The following ADAMTSL1 variants were observed in gnomAD, a reference collection of about 807,000 sequenced individuals.
The protein encoded by ADAMTSL1 is ADAMTS-like protein 1.
A neutral mutation model predicts 201.8 loss-of-function variants in ADAMTSL1; 126 were observed. The observed-to-expected ratio is 0.62, with a 90% CI of 0.54 to 0.72. ADAMTSL1 has a LOEUF of 0.72. ADAMTSL1 is among the 30% of genes least tolerant of loss of function. The probability of loss-of-function intolerance (pLI) is 0.00; values close to 1 mark genes in which losing one functional copy is unlikely to be tolerated. For missense variants in ADAMTSL1, 2,679 were observed against 2,277.8 expected, an observed-to-expected ratio of 1.18 and a Z score of -3.59; for synonymous variants, 1,121 against 903.4, an observed-to-expected ratio of 1.24 and a Z score of -4.32.
chr9:18,392,366 C>A (rs547329873), intron 2 of ADAMTSL1, among the ~76,000 whole-genome samples: 2 of 152,060 alleles, frequency 1.3e-5, no homozygotes, highest in African/African-American at 2.4e-5. Context: ...AGGAACAGTG[C>A]GGTAGGTTGT....
intron 1 of ADAMTSL1, among the ~76,000 whole-genome samples, chr9:18,495,224 A>T (rs1386769441): frequency 2.6e-5 from 4 of 152,166 alleles, no homozygotes; most frequent in African/African-American, 9.7e-5. Flanking sequence ...CTCACGCAGG[A>T]CTCAGGGAAT....
chr9:18,860,875 C>T (rs1451285157), intron 23 of ADAMTSL1, among the ~76,000 whole-genome samples: 1 of 152,222 alleles, frequency 6.6e-6, no homozygotes, highest in African/African-American at 2.4e-5. Context: ...GGCATAATTT[C>T]TGTCCCACAG....
At chr9:18,433,500 C>G (rs1042070342) in intron 2 of ADAMTSL1, among the ~76,000 whole-genome samples, 1 of 151,952 alleles carries the variant, frequency 6.6e-6, no homozygotes, top group African/African-American at 2.4e-5. Context: ...TTGAACTTCC[C>G]TGATGCGCTG....
chr9:18,756,178 C>T (rs1819755788), intron 16 of ADAMTSL1, among the ~76,000 whole-genome samples: 1 of 123,086 alleles, frequency 8.1e-6, no homozygotes, highest in Non-Finnish European at 1.6e-5. Context: ...ACTGTGGAGG[C>T]TGAAGCAGGA....
chr9:18,447,690 C>G (rs1322890092), intron 2 of ADAMTSL1, among the ~76,000 whole-genome samples: 2 of 152,154 alleles, frequency 1.3e-5, no homozygotes, highest in Non-Finnish European at 2.9e-5. Flanking sequence ...GAGCTCTTTG[C>G]TAGACCCTTT....
chr9:18,273,147 T>C (rs1832447181), intron 2 of ADAMTSL1, among the ~76,000 whole-genome samples: 1 of 152,192 alleles, frequency 6.6e-6, no homozygotes, highest in African/African-American at 2.4e-5. Flanking sequence ...TGGTGTGATC[T>C]TGGCTCACTG....
chr9:18,103,864 T>C (rs1824640071), intron 1 of ADAMTSL1, among the ~76,000 whole-genome samples: 1 of 152,308 alleles, frequency 6.6e-6, no homozygotes, highest in Non-Finnish European at 1.5e-5. Flanking sequence ...GGTCTATAAA[T>C]AAGAATTTCT....
intron 1 of ADAMTSL1, among the ~76,000 whole-genome samples, chr9:18,099,265 T>A (rs1296293625): frequency 2.7e-5 from 4 of 146,304 alleles, no homozygotes; most frequent in Admixed American, 1.4e-4. Flanking sequence ...AAAATCTGAT[T>A]AGAATCTCAT....
intron 1 of ADAMTSL1, among the ~76,000 whole-genome samples, chr9:18,162,785 G>A (rs537206708): frequency 9.2e-5 from 14 of 152,030 alleles, no homozygotes; most frequent in African/African-American, 3.4e-4. Flanking sequence ...AAAAGACAAT[G>A]TGATATACCG....
intron 9 of ADAMTSL1, among the ~76,000 whole-genome samples, chr9:18,672,558 CAT>C (rs1332022074): frequency 2.6e-5 from 4 of 152,040 alleles, no homozygotes; most frequent in Non-Finnish European, 5.9e-5. Context: ...CATGAACACA[CAT>C]ATGTAAGTTA....
intron 7 of ADAMTSL1, among the ~76,000 whole-genome samples, chr9:18,641,556 GTA>G (rs1827440297): frequency 6.6e-6 from 1 of 151,946 alleles, no homozygotes; most frequent in Admixed American, 6.6e-5. Context: ...GCTTCTAAGA[GTA>G]TATATCTTTT....
In ADAMTSL1 at chr9:18,843,403, C is replaced by T. The variant is rs1161397956; in HGVS notation, c.4249+13426C>T. 6.9e-4 allele frequency among the ~76,000 whole-genome samples: 104 copies of T among 151,014 alleles called. 2 individuals are homozygous for T. The South Asian group carries it at 0.014, about 20-fold the overall frequency. On this transcript the variant is annotated intron_variant, in intron 23 of 28. Transcript: ENST00000380548. ...CTTGTAGAGTTTCTGCCGAGAGATCCGCTGTTAGTCTGATGGGCTTCCCTT... is the reference window on the plus strand; with the variant it reads ...CTTGTAGAGTTTCTGCCGAGAGATCTGCTGTTAGTCTGATGGGCTTCCCTT...
At chr9:18,287,830 C>A (rs1370227722) in intron 2 of ADAMTSL1, among the ~76,000 whole-genome samples, 1 of 152,126 alleles carries the variant, frequency 6.6e-6, no homozygotes, top group African/African-American at 2.4e-5. Flanking sequence ...CTAATATAAT[C>A]ATAGTAAATT....
Position 17,991,904 on chromosome 9 carries a change from T to C in ADAMTSL1, c.87+84982T>C, listed in dbSNP as rs146288102. On this transcript the variant is annotated intron_variant, in intron 1 of 29. Transcript: ENST00000680146. ...AACATGAGACAGGGCCCTGCCCCCGTGGTACCCTGCGACACTGCCTTGCCC... is the reference window on the plus strand; with the variant it reads ...AACATGAGACAGGGCCCTGCCCCCGCGGTACCCTGCGACACTGCCTTGCCC... 5.4e-3 allele frequency among the ~76,000 whole-genome samples: 827 copies of C among 152,206 alleles called. 6 individuals carry two copies. The highest frequency in any genetic ancestry group is 0.018 in the African/African-American group (767 of 41,556).
At chr9:18,878,244 C>CCTGTCGTGG (rs199953873) in intron 23 of ADAMTSL1, among the ~76,000 whole-genome samples, 3,973 of 152,328 alleles carry the variant, frequency 0.026, 119 homozygotes, top group South Asian at 0.14. Context: ...CACCTCCCCA[C>CCTGTCGTGG]CTGTCGTGGC....
intron 1 of ADAMTSL1, among the ~76,000 whole-genome samples, chr9:18,016,460 C>A (rs56264871): frequency 7.5e-4 from 114 of 152,072 alleles, no homozygotes; most frequent in African/African-American, 2.7e-3. Context: ...TTGAAACTCA[C>A]AGAAGCACAG....
intron 2 of ADAMTSL1, among the ~76,000 whole-genome samples, chr9:18,314,365 C>T (rs1347215116): frequency 2.6e-5 from 4 of 151,884 alleles, no homozygotes; most frequent in Non-Finnish European, 5.9e-5. Flanking sequence ...AGCTGTGGAC[C>T]CTTGCAGTGA....
chr9:18,289,542 T>C (rs1833166860), intron 2 of ADAMTSL1, among the ~76,000 whole-genome samples: 1 of 152,192 alleles, frequency 6.6e-6, no homozygotes, highest in Non-Finnish European at 1.5e-5. Context: ...TGAGATTGTT[T>C]CCCAAGGAGC....
intron 1 of ADAMTSL1, among the ~76,000 whole-genome samples, chr9:17,947,326 C>G (rs930786641): frequency 3.6e-4 from 52 of 143,954 alleles, no homozygotes; most frequent in African/African-American, 1.3e-3. Flanking sequence ...CACACACACA[C>G]ACACACACAC....
Sources: allele counts gnomAD v4.1 joint callset (sites outside exome capture counted in the v4.1 genomes callset), GRCh38; gene constraint gnomAD v4.1.1; transcripts MANE v1.5; gene names NCBI Gene and HGNC (gene_info 2026-07-23, HGNC 2026-07-21).